The following ZNF836 variants were observed in gnomAD, a reference collection of about 807,000 sequenced individuals.
The protein encoded by ZNF836 is zinc finger protein 836.
A neutral mutation model predicts 7.4 loss-of-function variants in ZNF836; 12 were observed. That is an observed-to-expected ratio of 1.61 (90% CI 1.03 to 2.61). ZNF836 has a LOEUF of 2.61. Among genes scored for constraint, ZNF836 ranks in the 30% most tolerant of loss-of-function variants. The probability of loss-of-function intolerance (pLI) is 0.00; values close to 1 mark genes in which losing one functional copy is unlikely to be tolerated. For synonymous variants in ZNF836, 365 were observed against 382.6 expected, an observed-to-expected ratio of 0.95 and a Z score of 0.54; for missense variants, 998 against 1,126.2, an observed-to-expected ratio of 0.89 and a Z score of 1.63.
At chr19:52,167,612 T>A (rs2089277404) in intron 3 of ZNF836, among the ~76,000 whole-genome samples, 1 of 151,838 alleles carries the variant, frequency 6.6e-6, no homozygotes. Context: ...CACCTTCAAA[T>A]GTAGTATAAA....
Position 52,166,754 on chromosome 19 carries a change from AT to A in ZNF836, c.15+1303del, listed in dbSNP as rs1228463144. ...ACGCCCAGCTAATTTTTTTTTTTTT[AT>A]TTTTTAGTAGAGACGGGGTTTCACC... On this transcript the variant is annotated intron_variant, in intron 3 of 4. Coordinates refer to ENST00000682614, the MANE Select transcript of ZNF836 (RefSeq NM_001102657.3). Among the ~76,000 whole-genome samples the A allele has an allele frequency of 2.1e-5, 3 of 144,852 alleles. No individual in the cohort carries two copies. The East Asian group carries it at 6.1e-4, about 30-fold the overall frequency.
At chr19:52,170,371 C>T (rs2089298360) in intron 1 of ZNF836, 1 of 152,544 alleles carries the variant, frequency 6.6e-6, no homozygotes, top group African/African-American at 2.4e-5. Context: ...TGTTACACCT[C>T]CTTTGTTCCC....
rs375011741 is a variant in ZNF836 at position 52,157,240 on chromosome 19, C to A, written c.443G>T (p.Arg148Leu). 4 of 1,608,926 alleles carry A rather than the reference C, an allele frequency of 2.5e-6. No homozygotes were observed. Among genetic ancestry groups the A allele is most frequent in the Admixed American group, 3.4e-5 (2 of 59,060 alleles). The change falls in exon 5 of 5, where the codon CGT becomes CTT. Residue 148 changes from arginine to leucine, a missense_variant. Physicochemically the swap from Arg to Leu is moderately radical, Grantham distance 102. Transcript: ENST00000682614. ...TTGAAATTTCTGCAGTTCAGTCAGA[C>A]GTGACTGAAAGCTTAATGTAAGCTG... is the stretch of plus-strand genomic sequence containing the variant. ...ENQLTLSFQS[R>L]LTELQKFQTE...
rs776836596 is a variant in ZNF836, at chr19:52,155,614, C to G, written c.2069G>C (p.Gly690Ala). Residue 690 changes from glycine to alanine, a missense_variant, in exon 5 of 5, where the codon GGA becomes GCA. Coordinates refer to ENST00000682614, the MANE Select transcript of ZNF836 (RefSeq NM_001102657.3). Reference protein sequence around the residue: ...SLTKHLIIHTGEKPYNCNEFG... With the variant: ...SLTKHLIIHTAEKPYNCNEFG... ...CTCATTACAATTGTAAGGTTTCTCT[C>G]CAGTATGAATTATCAGATGTTTAGT... 3 of 1,614,060 alleles carry G rather than the reference C, an allele frequency of 1.9e-6. No individual in the cohort carries two copies. The highest frequency in any genetic ancestry group is 2.5e-6 in the Non-Finnish European group (3 of 1,179,982).
At chr19:52,170,568 A>G (rs944892193) in intron 1 of ZNF836, among the ~76,000 whole-genome samples, 4 of 149,960 alleles carry the variant, frequency 2.7e-5, no homozygotes, top group East Asian at 2.0e-4. Context: ...TTGCCGCCCC[A>G]CTCTATTTTG....
intron 3 of ZNF836, among the ~76,000 whole-genome samples, chr19:52,166,844 G>A (rs2089269336): frequency 1.3e-5 from 2 of 151,666 alleles, no homozygotes; most frequent in African/African-American, 4.8e-5. Context: ...CTCCCAAAGT[G>A]CTGGGATTAC....
In ZNF836 at chr19:52,154,962, T is replaced by C; in HGVS notation, c.2721A>G (p.Lys907=). ...KSFISRSGLT[K]HQTKHTAESL... Reference sequence around the variant, plus strand: ...TCTCTGCAGTATGTTTTGTCTGATGTTTAGTGAGGCCTGAGCGACTAATGA... The same window carrying C: ...TCTCTGCAGTATGTTTTGTCTGATGCTTAGTGAGGCCTGAGCGACTAATGA... The change falls in exon 5 of 5, where the codon AAA becomes AAG. Residue 907 remains lysine, a synonymous_variant. Transcript: ENST00000682614. 6.3e-7 allele frequency: 1 copy of C among 1,596,570 alleles called. No individual in the cohort carries two copies. The highest frequency in any genetic ancestry group is 1.1e-5 in the South Asian group (1 of 88,516).
Position 52,154,787 on chromosome 19 carries a change from C to A in ZNF836, c.*85G>T. ...GTGATCCAATCATCTCCCACCAGGC[C>A]CCACCTCCAATAAAGGGGATTAAAA... On this transcript the variant is annotated 3_prime_UTR_variant, in exon 5 of 5. Coordinates refer to ENST00000682614, the MANE Select transcript of ZNF836 (RefSeq NM_001102657.3). 1 of 1,247,288 alleles carries A rather than the reference C, an allele frequency of 8.0e-7. No individual in the cohort carries two copies. Among genetic ancestry groups the A allele is most frequent in the South Asian group, 1.7e-5 (1 of 57,878 alleles). The allele number at this position is 1,247,288 out of a possible 1,614,324, so 77.3% of individuals were successfully genotyped here. A position where few individuals can be genotyped will look rare whatever the true frequency, so the allele number is the denominator to read the frequency against.
rs953853846 is a variant in ZNF836, at chr19:52,154,919, T to A, written c.2764A>T (p.Asn922Tyr). 1.9e-6 allele frequency: 3 copies of A among 1,541,772 alleles called. No homozygotes were observed. The highest frequency in any genetic ancestry group is 2.6e-6 in the Non-Finnish European group (3 of 1,147,112). Reference protein sequence around the residue: ...HTAESLKTKFNVEKPLDVLLT... With the variant: ...HTAESLKTKFYVEKPLDVLLT... Reference sequence around the variant, plus strand: ...AGAACATCTAAAGGCTTTTCCACATTGAATTTTGTTTTAAGACTCTCTGCA... The same window carrying A: ...AGAACATCTAAAGGCTTTTCCACATAGAATTTTGTTTTAAGACTCTCTGCA... Residue 922 changes from asparagine to tyrosine, a missense_variant, in exon 5 of 5, where the codon AAT becomes TAT. By Grantham distance (143) the Asn-to-Tyr change is moderately radical. Coordinates refer to ENST00000682614, the MANE Select transcript of ZNF836 (RefSeq NM_001102657.3).
Position 52,155,904 on chromosome 19 carries a change from G to C in ZNF836, c.1779C>G (p.Asn593Lys). The C allele has an allele frequency of 6.2e-7, 1 of 1,612,822 alleles. No homozygotes were observed. Among genetic ancestry groups the C allele is most frequent in the Non-Finnish European group, 8.5e-7 (1 of 1,179,604 alleles). ...QCNECGTVFR[N>K]YSCLARHLRI... ...TTAGATGACGTGCTAGGCATGAGTA[G>C]TTCCTGAAGACTGTGCCACATTCAT... The change falls in exon 5 of 5, where the codon AAC (asparagine) becomes AAG (lysine). Residue 593 changes from asparagine to lysine, a missense_variant. Coordinates refer to ENST00000682614, the MANE Select transcript of ZNF836 (RefSeq NM_001102657.3).
Position 52,163,568 on chromosome 19 carries a change from A to T in ZNF836, c.16-2977T>A, listed in dbSNP as rs1158891435. The stretch of plus-strand genomic sequence containing the variant: ...GGTGGGCGGATCACAAGGTCAAGAG[A>T]TCGAAACCATCCTGGCCAACATGGT... On this transcript the variant is annotated intron_variant, in intron 3 of 4. Coordinates refer to ENST00000682614, the MANE Select transcript of ZNF836 (RefSeq NM_001102657.3). 4.6e-5 allele frequency among the ~76,000 whole-genome samples: 7 copies of T among 152,214 alleles called. No individual in the cohort carries two copies. The South Asian group carries it at 1.0e-3, about 23-fold the overall frequency.
Position 52,155,329 on chromosome 19 carries a change from T to C in ZNF836, c.2354A>G (p.Lys785Arg), listed in dbSNP as rs777770259. 6.2e-7 allele frequency: 1 copy of C among 1,614,172 alleles called. No individual in the cohort carries two copies. The highest frequency in any genetic ancestry group is 8.5e-7 in the Non-Finnish European group (1 of 1,180,024). The change falls in exon 5 of 5, where the codon AAG becomes AGG. Residue 785 changes from lysine to arginine, a missense_variant. By Grantham distance (26) the Lys-to-Arg change is conservative. Coordinates refer to ENST00000682614, the MANE Select transcript of ZNF836 (RefSeq NM_001102657.3). ...EKPYKCNECG[K>R]VFRHQSTLAR... The stretch of plus-strand genomic sequence containing the variant: ...TAGTGTTGATTGATGACGAAAGACC[T>C]TGCCACATTCATTACATTTGTAAGG...
Position 52,156,104 on chromosome 19 carries a change from G to T in ZNF836, c.1579C>A (p.Gln527Lys), listed in dbSNP as rs769551747. The T allele has an allele frequency of 1.2e-6, 2 of 1,613,978 alleles. No individual in the cohort carries two copies. The highest frequency in any genetic ancestry group is 1.7e-6 in the Non-Finnish European group (2 of 1,179,898). Residue 527 changes from glutamine (Q) to lysine (K), a missense_variant, in exon 5 of 5, where the codon CAA (glutamine) becomes AAA (lysine). Physicochemically the swap from Gln to Lys is moderately conservative, Grantham distance 53. Transcript: ENST00000682614. ...KIIHTREKRY[Q>K]CGECGKVFSE... is the part of the protein sequence containing the mutation. The stretch of plus-strand genomic sequence containing the variant: ...AAGACCTTTCCACATTCACCGCATT[G>T]GTAACGTTTCTCTCTGGTATGAATT...
intron 4 of ZNF836, 146 bp downstream of exon 4, chr19:52,160,319 G>A (rs777246397): frequency 8.6e-6 from 8 of 930,120 alleles, no homozygotes; most frequent in South Asian, 6.2e-5. Context: ...TGAAAGGCCA[G>A]ATGCAGCATT....
In ZNF836 at chr19:52,161,431, C is replaced by T. The variant is rs1056429899; in HGVS notation, c.16-840G>A. On this transcript the variant is annotated intron_variant, in intron 3 of 4. Coordinates refer to ENST00000682614, the MANE Select transcript of ZNF836 (RefSeq NM_001102657.3). This position sits in a 1 kb window ranked among gnomAD's most constrained non-coding sequence, Gnocchi z 4.1. ...CGCTTCCAAGATGGTCTTGTTGCTG[C>T]ACAGGGGACGAATGCTGTTGTCCCC... is the stretch of plus-strand genomic sequence containing the variant. Among the ~76,000 whole-genome samples the T allele has an allele frequency of 7.1e-6, 1 of 141,110 alleles. No homozygotes were observed. Among genetic ancestry groups the T allele is most frequent in the Non-Finnish European group, 1.5e-5 (1 of 66,166 alleles). The allele number at this position is 141,110 out of a possible 152,430, so 92.6% of individuals were successfully genotyped here. A position where few individuals can be genotyped will look rare whatever the true frequency, so the allele number is the denominator to read the frequency against.
At chr19:52,166,272 G>C (rs2089263096) in intron 3 of ZNF836, among the ~76,000 whole-genome samples, 1 of 152,172 alleles carries the variant, frequency 6.6e-6, no homozygotes. Flanking sequence ...TTGCAGGCAT[G>C]AGCCACTGCG....
In ZNF836 at chr19:52,157,196, CAT is replaced by C; in HGVS notation, c.485_486del (p.Tyr162Ter). ...LQKFQTEGKIYECNQSEKTVN... is the reference protein window; with the variant it reads ...LQKFQTEGKIXECNQSEKTVN... ...ACTGTCTTCTCAGATTGGTTACACT[CAT>C]AAATTTTCCCTTCAGTTTGAAATTT... On this transcript the variant is annotated frameshift_variant, in exon 5 of 5. Coordinates refer to ENST00000682614, the MANE Select transcript of ZNF836 (RefSeq NM_001102657.3). LOFTEE classifies it low-confidence loss of function (END_TRUNC). 6.2e-7 allele frequency: 1 copy of C among 1,612,476 alleles called. No homozygotes were observed. Among genetic ancestry groups the C allele is most frequent in the Non-Finnish European group, 8.5e-7 (1 of 1,179,034 alleles).
chr19:52,160,230 T>A, intron 4 of ZNF836: 1 of 577,562 alleles, frequency 1.7e-6, no homozygotes, highest in Non-Finnish European at 3.0e-6. Context: ...GACTAATACT[T>A]AAATATGGGA....
At chr19:52,158,423 T>C (rs974432741) in intron 4 of ZNF836, among the ~76,000 whole-genome samples, 1 of 152,076 alleles carries the variant, frequency 6.6e-6, no homozygotes, top group African/African-American at 2.4e-5. Context: ...TGAATACTTA[T>C]TATATAAGTA....
Sources: allele counts gnomAD v4.1 joint callset (sites outside exome capture counted in the v4.1 genomes callset), GRCh38; gene constraint gnomAD v4.1.1; non-coding constraint Gnocchi (gnomAD v3.1); transcripts MANE v1.5; gene names NCBI Gene and HGNC (gene_info 2026-07-23, HGNC 2026-07-21).